Variants in RANBP10 observed in about 807,000 individuals in gnomAD.
The protein encoded by RANBP10 is RAN binding protein 10, also known as ran-binding protein 10.
RANBP10 carries 24 observed loss-of-function variants against 72.8 expected under a neutral mutation model. The ratio of observed to expected loss-of-function variants is 0.33; its 90% confidence interval spans 0.24 to 0.46. The LOEUF (loss-of-function observed/expected upper bound fraction) is 0.46, where lower values mean the gene tolerates loss of function less well. Among genes scored for constraint, RANBP10 ranks in the 20% least tolerant of loss-of-function variants. RANBP10 has a pLI of 1.00. For synonymous variants in RANBP10, 310 were observed against 322.3 expected (o/e 0.96, Z 0.41); for missense variants, 679 against 817.5 (o/e 0.83, Z 2.07).
intron 4 of RANBP10, 58 bp from the exon 5 acceptor site, chr16:67,738,093 A>T (rs894216948): frequency 6.6e-7 from 1 of 1,510,194 alleles, no homozygotes; most frequent in Non-Finnish European, 8.9e-7. Flanking sequence ...CTGCCTCTGC[A>T]CCCCATGGTG....
chr16:67,731,059 A>G (rs747822775), intron 7 of RANBP10: 20 of 210,856 alleles, frequency 9.5e-5, no homozygotes, highest in Non-Finnish European at 1.8e-4. Context: ...GCTTTGCCCT[A>G]TCTGACCACT....
Position 67,752,681 on chromosome 16 carries a change from G to C in RANBP10, c.401-8226C>G, listed in dbSNP as rs551893321. On this transcript the variant is annotated intron_variant, in intron 3 of 13. Transcript: ENST00000317506. Reference sequence around the variant, plus strand: ...ATTTACACAAGGATGTGTGCAAAAGGCAGTTGGAGGTTGAAAACAGAATGT... The same window carrying C: ...ATTTACACAAGGATGTGTGCAAAAGCCAGTTGGAGGTTGAAAACAGAATGT... Among the ~76,000 whole-genome samples, 12 of 152,036 alleles carry C rather than the reference G, an allele frequency of 7.9e-5. No homozygotes were observed. In the South Asian group the frequency reaches 2.5e-3, roughly 32 times the overall value.
intron 2 of RANBP10, among the ~76,000 whole-genome samples, chr16:67,794,523 C>CTTT (rs536994946): frequency 2.3e-5 from 3 of 130,962 alleles, no homozygotes; most frequent in African/African-American, 8.5e-5. Context: ...CCAACATATT[C>CTTT]TTTTTTTTTT....
chr16:67,749,786 G>A (rs576959283), intron 3 of RANBP10, among the ~76,000 whole-genome samples: 6 of 152,280 alleles, frequency 3.9e-5, no homozygotes, highest in African/African-American at 7.2e-5. Context: ...TGATGGCAGC[G>A]GCTGTTCCCC....
intron 3 of RANBP10, among the ~76,000 whole-genome samples, chr16:67,753,891 T>C (rs1312289865): frequency 3.3e-5 from 5 of 151,970 alleles, no homozygotes; most frequent in African/African-American, 1.2e-4. Flanking sequence ...TCCCAGCACT[T>C]TGGGAGGCTG....
rs2053708615 is a variant in RANBP10 at position 67,730,590 on chromosome 16, C to A, written c.890-544G>T. ...GCTGGCACCTCTGATGTTGACACCTCTCACGCCATCAGCATCTTGCTGCTG... is the reference window on the plus strand; with the variant it reads ...GCTGGCACCTCTGATGTTGACACCTATCACGCCATCAGCATCTTGCTGCTG... On this transcript the variant is annotated intron_variant, in intron 7 of 13. Coordinates refer to ENST00000317506, the MANE Select transcript of RANBP10 (RefSeq NM_020850.3). This position sits in a 1 kb window ranked among gnomAD's most constrained non-coding sequence, Gnocchi z 4.3. Among the ~76,000 whole-genome samples, 1 of 152,186 alleles carries A rather than the reference C, an allele frequency of 6.6e-6. No individual in the cohort carries two copies. The highest frequency in any genetic ancestry group is 2.4e-5 in the African/African-American group (1 of 41,448).
intron 10 of RANBP10, 77 bp from the exon 11 acceptor site, chr16:67,728,588 G>A (rs752250382): frequency 6.2e-7 from 1 of 1,606,410 alleles, no homozygotes; most frequent in South Asian, 1.1e-5. Flanking sequence ...CTTTCAAGCT[G>A]TAGCCATGGG....
intron 4 of RANBP10, among the ~76,000 whole-genome samples, chr16:67,741,185 G>T (rs954703021): frequency 6.6e-6 from 1 of 152,188 alleles, no homozygotes; most frequent in African/African-American, 2.4e-5. Flanking sequence ...TGAACCCTAA[G>T]GTCTAGGTAT....
chr16:67,783,131 C>T (rs1425485123), intron 2 of RANBP10, among the ~76,000 whole-genome samples: 1 of 152,142 alleles, frequency 6.6e-6, no homozygotes, highest in Admixed American at 6.6e-5. Context: ...CCTGAGGTTC[C>T]GGCTCACATG....
Position 67,729,989 on chromosome 16 carries a change from C to A in RANBP10, c.947G>T (p.Arg316Leu). 1 of 1,613,670 alleles carries A rather than the reference C, an allele frequency of 6.2e-7. No homozygotes were observed. The highest frequency in any genetic ancestry group is 8.5e-7 in the Non-Finnish European group (1 of 1,180,020). Residue 316 changes from arginine to leucine, a missense_variant, in exon 8 of 14, where the codon CGC (arginine) becomes CTC (leucine). Physicochemically the swap from Arg to Leu is moderately radical, Grantham distance 102. Transcript: ENST00000317506. The surrounding 1 kb of genome is among the most constrained non-coding windows in gnomAD (Gnocchi z 7.1). ...RVGEAIETTQRFYPGLLEHNP... is the reference protein window; with the variant it reads ...RVGEAIETTQLFYPGLLEHNP... ...GTGCTCCAGCAGCCCTGGGTAGAAG[C>A]GCTGGGTGGTCTCGATGGCCTCGCC...
chr16:67,765,028 G>A (rs531104473), intron 3 of RANBP10, among the ~76,000 whole-genome samples: 95 of 152,020 alleles, frequency 6.2e-4, no homozygotes, highest in African/African-American at 2.0e-3. Context: ...ACAAAGATGT[G>A]TAAGTACCGG....
intron 2 of RANBP10, among the ~76,000 whole-genome samples, chr16:67,791,755 C>G (rs534581398): frequency 6.6e-6 from 1 of 152,142 alleles, no homozygotes; most frequent in East Asian, 1.9e-4. Context: ...CAAAGGGGAA[C>G]TCTGGGACCT....
Position 67,748,377 on chromosome 16 carries a change from G to T in RANBP10, c.401-3922C>A, listed in dbSNP as rs1331612691. Among the ~76,000 whole-genome samples, 3 of 151,422 alleles carry T rather than the reference G, an allele frequency of 2.0e-5. No individual in the cohort carries two copies. In the East Asian group the frequency reaches 6.0e-4, roughly 30 times the overall value. On this transcript the variant is annotated intron_variant, in intron 3 of 13. Coordinates refer to ENST00000317506, the MANE Select transcript of RANBP10 (RefSeq NM_020850.3). Reference sequence around the variant, plus strand: ...TCTACCAAAAATACAAAAAAAATTAGCCGGGCGTGGTGGCGGGCGCCTGTA... The same window carrying T: ...TCTACCAAAAATACAAAAAAAATTATCCGGGCGTGGTGGCGGGCGCCTGTA...
intron 3 of RANBP10, among the ~76,000 whole-genome samples, chr16:67,757,492 G>A (rs552936144): frequency 6.6e-6 from 1 of 152,300 alleles, no homozygotes; most frequent in East Asian, 1.9e-4. Context: ...CTTGGCCAGA[G>A]TGCTTCCTGA....
chr16:67,751,263 T>G (rs2054190264), intron 3 of RANBP10, among the ~76,000 whole-genome samples: 1 of 152,238 alleles, frequency 6.6e-6, no homozygotes, highest in Non-Finnish European at 1.5e-5. Flanking sequence ...TGCTTAAATT[T>G]TCAAAGACCT....
chr16:67,789,120 G>A (rs1255748168), intron 2 of RANBP10, among the ~76,000 whole-genome samples: 3 of 151,264 alleles, frequency 2.0e-5, no homozygotes, highest in East Asian at 3.9e-4. Context: ...GACCAGCCTG[G>A]CCAATATGGT....
At position 67,729,263 on chromosome 16, in the gene RANBP10, C is replaced by A. The variant is rs752514414; in HGVS notation, c.1352+17G>T. 1 of 1,610,016 alleles carries A rather than the reference C, an allele frequency of 6.2e-7. No homozygotes were observed. The highest frequency in any genetic ancestry group is 1.3e-5 in the African/African-American group (1 of 74,840). ...ATAAGGCAGAAGGCAGAGGAGGAAG[C>A]AGAGCAAGGCAGGCACCTGGTCTCC... is the stretch of plus-strand genomic sequence containing the variant. On this transcript the variant is annotated intron_variant, in intron 10 of 13. Transcript: ENST00000317506. The surrounding 1 kb of genome is among the most constrained non-coding windows in gnomAD (Gnocchi z 7.1).
At position 67,763,111 on chromosome 16, in the gene RANBP10, G is replaced by C. The variant is rs8057298; in HGVS notation, c.400+8923C>G. 7.1e-3 allele frequency among the ~76,000 whole-genome samples: 1,085 copies of C among 152,276 alleles called. 13 individuals carry two copies. The highest frequency in any genetic ancestry group is 0.025 in the African/African-American group (1,032 of 41,564). ...GGCATGTGCAGAGGGCAGAGGTATA[G>C]GAAAATGAGGCTGAGCAGGAGACTG... is the stretch of plus-strand genomic sequence containing the variant. On this transcript the variant is annotated intron_variant, in intron 3 of 13. Coordinates refer to ENST00000317506, the MANE Select transcript of RANBP10 (RefSeq NM_020850.3).
intron 2 of RANBP10, among the ~76,000 whole-genome samples, chr16:67,800,247 C>A (rs1163370868): frequency 6.6e-6 from 1 of 152,178 alleles, no homozygotes; most frequent in Non-Finnish European, 1.5e-5. Flanking sequence ...CAAGGGAAGG[C>A]TGGCTGTGGT....
Sources: allele counts gnomAD v4.1 joint callset (sites outside exome capture counted in the v4.1 genomes callset), GRCh38; gene constraint gnomAD v4.1.1; non-coding constraint Gnocchi (gnomAD v3.1); transcripts MANE v1.5; gene names NCBI Gene and HGNC (gene_info 2026-07-23, HGNC 2026-07-21).